Variants in DMD observed in about 807,000 individuals in gnomAD.
DMD encodes mutant dystrophin.
DMD carries 63 observed loss-of-function variants against 330.1 expected under a neutral mutation model. The observed-to-expected ratio is 0.19, with a 90% CI of 0.16 to 0.24. The LOEUF (loss-of-function observed/expected upper bound fraction) is 0.24, where lower values mean the gene tolerates loss of function less well. Ranked by LOEUF, DMD falls within the 10% of genes least tolerant of loss-of-function variation. The pLI, the probability that DMD is intolerant of heterozygous loss-of-function variation, is 1.00. For synonymous variants in DMD, 1,223 were observed against 959.8 expected (o/e 1.27, Z -5.07); for missense variants, 3,344 against 2,684.1 (o/e 1.25, Z -5.43).
At chrX:31,396,690 A>T (rs890707619) in intron 60 of DMD, among the ~76,000 whole-genome samples, 25 of 110,504 alleles carry the variant, frequency 2.3e-4, no homozygotes, top group Non-Finnish European at 1.9e-5. Context: ...GAGAAAGGTC[A>T]ATAATAGAAA....
chrX:31,508,314 C>T (rs968447950), intron 55 of DMD: 1 of 1,138,042 alleles, frequency 8.8e-7, no homozygotes, highest in Non-Finnish European at 1.2e-6. Flanking sequence ...CTGAAAGAGC[C>T]CTGCTTTAAA....
At chrX:31,405,109 C>T (rs1470373188) in intron 60 of DMD, among the ~76,000 whole-genome samples, 1 of 111,714 alleles carries the variant, frequency 9.0e-6, no homozygotes, top group African/African-American at 3.2e-5. Flanking sequence ...ACAATGGCCA[C>T]AGAAACAAGA....
chrX:31,514,022 T>C (rs963282012), intron 55 of DMD, among the ~76,000 whole-genome samples: 2 of 111,971 alleles, frequency 1.8e-5, no homozygotes, highest in Middle Eastern at 4.6e-3. Context: ...GGTGGTAGTT[T>C]TTCCTATTAA....
chrX:33,088,769 T>C (rs887488158), intron 1 of DMD, among the ~76,000 whole-genome samples: 1 of 112,410 alleles, frequency 8.9e-6, no homozygotes, highest in Admixed American at 9.5e-5. Flanking sequence ...AAAATAACTT[T>C]AATGAGTGGC....
At chrX:31,528,140 G>T (rs2073386038) in intron 55 of DMD, among the ~76,000 whole-genome samples, 1 of 109,019 alleles carries the variant, frequency 9.2e-6, no homozygotes, top group African/African-American at 3.4e-5. Flanking sequence ...CCTATGGAGA[G>T]ATGTCTTGTT....
At chrX:32,323,460 C>T (rs1267382895) in intron 41 of DMD, among the ~76,000 whole-genome samples, 1 of 111,412 alleles carries the variant, frequency 9.0e-6, no homozygotes, top group Non-Finnish European at 1.9e-5. Context: ...AACATGACAT[C>T]TTGAACTAGT....
intron 77 of DMD, among the ~76,000 whole-genome samples, chrX:31,131,779 C>G (rs759912749): frequency 9.0e-6 from 1 of 111,499 alleles, no homozygotes; most frequent in South Asian, 3.8e-4. Context: ...AAGAAAGCAT[C>G]CAAAAACCAC....
chrX:32,712,573 TATTA>T (rs1470642873), intron 7 of DMD, among the ~76,000 whole-genome samples: 1 of 111,750 alleles, frequency 8.9e-6, no homozygotes, highest in Non-Finnish European at 1.9e-5. Context: ...TGCATTTATT[TATTA>T]GTTAAGCTTA....
At chrX:33,168,864 A>T (rs763981790) in intron 1 of DMD, among the ~76,000 whole-genome samples, 1 of 110,727 alleles carries the variant, frequency 9.0e-6, no homozygotes, top group African/African-American at 3.3e-5. Flanking sequence ...TAGGATTGAG[A>T]ATTTCAAATA....
At chrX:31,257,188 T>TAAAAAAAAAAA (rs2050048590) in intron 63 of DMD, among the ~76,000 whole-genome samples, 1 of 74,982 alleles carries the variant, frequency 1.3e-5, no homozygotes, top group Non-Finnish European at 2.5e-5. Context: ...GAAATCTCCT[T>TAAAAAAAAAAA]AGAAGTGGGC....
intron 1 of DMD, among the ~76,000 whole-genome samples, chrX:33,146,141 G>T (rs2048020163): frequency 9.1e-6 from 1 of 110,432 alleles, no homozygotes; most frequent in Admixed American, 9.7e-5. Context: ...TGATCCACCT[G>T]CCTTGGCCTC....
intron 27 of DMD, among the ~76,000 whole-genome samples, chrX:32,445,150 T>C (rs913947876): frequency 3.6e-5 from 4 of 111,652 alleles, no homozygotes; most frequent in African/African-American, 9.7e-5. Context: ...CGAGGTACTA[T>C]AAAAGCCTAG....
At position 32,880,358 on chromosome X, in the gene DMD, T is replaced by A. The variant is rs1569538438; in HGVS notation, c.94-30538A>T. Among the ~76,000 whole-genome samples the A allele has an allele frequency of 3.6e-5, 4 of 110,367 alleles. No individual in the cohort carries two copies. In the South Asian group the frequency reaches 1.6e-3, roughly 43 times the overall value. ...TTGTCTGCCTATAAAAGATGTTTAA[T>A]CAATGTTTGGAAGAGATGGACTTGA... On this transcript the variant is annotated intron_variant, in intron 2 of 78. Transcript: ENST00000357033.
At chrX:31,320,167 C>A (rs180872503) in intron 62 of DMD, among the ~76,000 whole-genome samples, 1 of 112,184 alleles carries the variant, frequency 8.9e-6, no homozygotes, top group Non-Finnish European at 1.9e-5. Context: ...TAGACAAACA[C>A]GTAGTTTGAA....
rs201314396 is a variant in DMD at position 31,918,046 on chromosome X, AAAC to A, written c.6912+11547_6912+11549del. 6.7e-3 allele frequency among the ~76,000 whole-genome samples: 755 copies of A among 112,334 alleles called. 4 individuals are homozygous for A. Among genetic ancestry groups the A allele is most frequent in the African/African-American group, 0.023 (708 of 30,898 alleles). The stretch of plus-strand genomic sequence containing the variant: ...TATTATAACACAGTGATGCTCAATG[AAAC>A]AACATTATTCAAGGACCTGCCGTAC... On this transcript the variant is annotated intron_variant, in intron 47 of 78. Coordinates refer to ENST00000357033, the MANE Select transcript of DMD (RefSeq NM_004006.3).
At chrX:33,247,996 C>A (rs772802918) in intron 1 of DMD, among the ~76,000 whole-genome samples, 2 of 111,701 alleles carry the variant, frequency 1.8e-5, no homozygotes, top group Admixed American at 1.9e-4. Context: ...AAGACTCATG[C>A]TCATAATGGA....
At chrX:31,824,447 T>G (rs1293932518) in intron 49 of DMD, among the ~76,000 whole-genome samples, 1 of 110,244 alleles carries the variant, frequency 9.1e-6, no homozygotes, top group East Asian at 2.8e-4. Context: ...ATTTTGTATT[T>G]CACCATGTTG....
chrX:31,484,519 T>C (rs768864696), intron 57 of DMD, among the ~76,000 whole-genome samples: 1 of 111,740 alleles, frequency 8.9e-6, no homozygotes, highest in Non-Finnish European at 1.9e-5. Flanking sequence ...AAAATAGTGA[T>C]ATGAGAGAAT....
chrX:31,488,383 C>T (rs2068986636), intron 57 of DMD, among the ~76,000 whole-genome samples: 1 of 112,066 alleles, frequency 8.9e-6, no homozygotes, highest in African/African-American at 3.2e-5. Context: ...TGTGTATGTT[C>T]TCAAGATACT....
Sources: allele counts gnomAD v4.1 joint callset (sites outside exome capture counted in the v4.1 genomes callset), GRCh38; gene constraint gnomAD v4.1.1; transcripts MANE v1.5; gene names NCBI Gene and HGNC (gene_info 2026-07-23, HGNC 2026-07-21).